The following NRG1 variants were observed in gnomAD, a reference collection of about 807,000 sequenced individuals.
NRG1 encodes the protein pro-neuregulin-1, membrane-bound isoform.
Under a neutral mutation model 63.8 loss-of-function variants are expected in NRG1, and 18 were observed. The observed-to-expected ratio is 0.28, with a 90% confidence interval of 0.19 to 0.42. NRG1 has a LOEUF of 0.42. NRG1 is among the 10% of genes least tolerant of loss of function. The pLI, the probability that NRG1 is intolerant of heterozygous loss-of-function variation, is 1.00. For missense variants in NRG1, 762 were observed against 814.7 expected, an observed-to-expected ratio of 0.94 and a Z score of 0.79; for synonymous variants, 302 against 301.3, an observed-to-expected ratio of 1.00 and a Z score of -0.02.
downstream of NRG1, among the ~76,000 whole-genome samples, chr8:32,772,037 ATATGTATATATATATAT>A (rs1284065124): frequency 8.1e-4 from 91 of 112,714 alleles, 9 homozygotes; most frequent in African/African-American, 3.2e-3. Context: ...AAAAAAAAAA[ATATGTATATATATATAT>A]ATATATATAT....
At chr8:32,150,527 C>T (rs7815507) in intron 1 of NRG1, among the ~76,000 whole-genome samples, 2,010 of 152,284 alleles carry the variant, frequency 0.013, 53 homozygotes, top group African/African-American at 0.045. Flanking sequence ...CATGTGAGGG[C>T]GTAGCAAGAG....
intron 1 of NRG1, among the ~76,000 whole-genome samples, chr8:31,929,495 T>C (rs1834688837): frequency 6.6e-6 from 1 of 151,894 alleles, no homozygotes; most frequent in African/African-American, 2.4e-5. Flanking sequence ...GTATAAATAA[T>C]ATATATTCTT....
intron 1 of NRG1, among the ~76,000 whole-genome samples, chr8:31,852,856 T>C (rs936129874): frequency 3.9e-5 from 6 of 152,224 alleles, no homozygotes; most frequent in African/African-American, 1.4e-4. Context: ...GCACCATTTA[T>C]TAAATAGAGA....
intron 1 of NRG1, among the ~76,000 whole-genome samples, chr8:31,680,992 A>G (rs7017678): frequency 0.15 from 22,679 of 151,994 alleles, 1,824 homozygotes; most frequent in Admixed American, 0.22. Flanking sequence ...AAAATAATAG[A>G]TGATTTCAGA....
At chr8:32,538,180 A>G (rs1832218893) in intron 1 of NRG1, among the ~76,000 whole-genome samples, 1 of 152,140 alleles carries the variant, frequency 6.6e-6, no homozygotes, top group African/African-American at 2.4e-5. Context: ...GGGTCTCAGC[A>G]TATTTAGGCA....
chr8:31,918,413 A>G lies in NRG1; in HGVS notation c.37+278982A>G, dbSNP rs376468452. ...TTTGTTGAGAGTTTTTAGCATGAAG[A>G]GTTGTTGAATTTTGTCAAAGGCCTT... On this transcript the variant is annotated intron_variant, in intron 1 of 10. Coordinates refer to the NRG1 transcript ENST00000519301. 3.6e-4 allele frequency among the ~76,000 whole-genome samples: 55 copies of G among 152,038 alleles called. 1 individual carries two copies. The highest frequency in any genetic ancestry group is 6.8e-4 in the Non-Finnish European group (46 of 67,982).
intron 1 of NRG1, among the ~76,000 whole-genome samples, chr8:31,998,248 T>A (rs965030789): frequency 6.6e-5 from 10 of 152,008 alleles, no homozygotes; most frequent in African/African-American, 2.4e-4. Context: ...AAGATATAAG[T>A]CTTGAGACAA....
intron 1 of NRG1, among the ~76,000 whole-genome samples, chr8:31,861,780 A>C (rs1441982713): frequency 6.6e-6 from 1 of 152,188 alleles, no homozygotes; most frequent in Non-Finnish European, 1.5e-5. Flanking sequence ...ACCCACAATG[A>C]ACTATTGAAA....
At chr8:31,924,831 G>A (rs554821081) in intron 1 of NRG1, among the ~76,000 whole-genome samples, 10 of 151,442 alleles carry the variant, frequency 6.6e-5, no homozygotes, top group Non-Finnish European at 1.0e-4. Context: ...ATATATTCTA[G>A]CATTCATTGT....
intron 1 of NRG1, among the ~76,000 whole-genome samples, chr8:32,563,459 T>C (rs1027570791): frequency 1.3e-5 from 2 of 152,202 alleles, no homozygotes; most frequent in Non-Finnish European, 2.9e-5. Context: ...TAGAAGATGG[T>C]AAGTATATTT....
At chr8:32,222,184 C>A (rs1291446754) in intron 1 of NRG1, among the ~76,000 whole-genome samples, 1 of 152,038 alleles carries the variant, frequency 6.6e-6, no homozygotes, top group Admixed American at 6.6e-5. Context: ...AAGGCTGATA[C>A]TACTTCATTT....
chr8:32,132,696 A>G (rs1217214676), intron 1 of NRG1, among the ~76,000 whole-genome samples: 2 of 152,100 alleles, frequency 1.3e-5, no homozygotes, highest in Admixed American at 6.6e-5. Flanking sequence ...GAGATAATAT[A>G]GTGTTTACTG....
intron 3 of NRG1, among the ~76,000 whole-genome samples, chr8:32,613,182 G>T (rs1238186949): frequency 4.6e-5 from 7 of 151,964 alleles, no homozygotes; most frequent in Non-Finnish European, 1.0e-4. Context: ...AGGCAACTTT[G>T]ATGTATTGAA....
At chr8:32,292,440 C>A (rs11782374) in intron 1 of NRG1, among the ~76,000 whole-genome samples, 16,232 of 152,194 alleles carry the variant, frequency 0.11, 1,126 homozygotes, top group Non-Finnish European at 0.15. Context: ...AAAAGCCAAA[C>A]TGACGGTTTG....
chr8:31,964,834 C>G (rs1046695696), intron 1 of NRG1, among the ~76,000 whole-genome samples: 2 of 152,174 alleles, frequency 1.3e-5, no homozygotes, highest in African/African-American at 4.8e-5. Context: ...AGTTACTTGT[C>G]TAGAGACACC....
At chr8:31,996,614 C>T (rs551605331) in intron 1 of NRG1, among the ~76,000 whole-genome samples, 1 of 151,866 alleles carries the variant, frequency 6.6e-6, no homozygotes, top group South Asian at 2.1e-4. Context: ...TAGCCCATGC[C>T]CATGCCTGTG....
chr8:32,726,317 AATGCCAATT>A (rs1451738859), intron 5 of NRG1, among the ~76,000 whole-genome samples: 2 of 152,088 alleles, frequency 1.3e-5, no homozygotes, highest in Non-Finnish European at 2.9e-5. Flanking sequence ...TTATTCATTG[AATGCCAATT>A]TTTTTTTGCC....
chr8:31,876,590 G>A (rs567834821), intron 1 of NRG1, among the ~76,000 whole-genome samples: 2 of 152,160 alleles, frequency 1.3e-5, no homozygotes, highest in South Asian at 2.1e-4. Context: ...GTTATGGAGT[G>A]GATACACACT....
intron 1 of NRG1, among the ~76,000 whole-genome samples, chr8:32,200,328 A>G (rs1425206431): frequency 1.3e-5 from 2 of 152,310 alleles, no homozygotes; most frequent in East Asian, 1.9e-4. Flanking sequence ...TGAATTTCCA[A>G]GAGTGCTTTA....
Sources: gnomAD v4.1 joint callset for allele counts (sites outside exome capture counted in the v4.1 genomes callset) on GRCh38, gnomAD v4.1.1 for gene constraint, MANE v1.5 for transcripts, NCBI Gene and HGNC (gene_info 2026-07-23, HGNC 2026-07-21) for gene names.